DIAPH2: variants seen among roughly 807,000 people sequenced by gnomAD.
DIAPH2 encodes the protein diaphanous related formin 2.
In DIAPH2, 35 loss-of-function variants were observed where a neutral mutation model predicts 92.7. The ratio of observed to expected loss-of-function variants is 0.38; its 90% CI spans 0.29 to 0.50. DIAPH2 has a LOEUF of 0.50. Among genes scored for constraint, DIAPH2 ranks in the 20% least tolerant of loss-of-function variants. The pLI is 0.94. For missense variants in DIAPH2, 701 were observed against 819.5 expected, an observed-to-expected ratio of 0.86 and a Z score of 1.77; for synonymous variants, 301 against 280.4, an observed-to-expected ratio of 1.07 and a Z score of -0.73.
At chrX:97,563,416 G>C (rs1318464518) in intron 26 of DIAPH2, among the ~76,000 whole-genome samples, 1 of 27,646 alleles carries the variant, frequency 3.6e-5, no homozygotes, top group East Asian at 1.6e-3. Flanking sequence ...GAGGAAGGGT[G>C]AATTTTTTAA....
At chrX:96,716,736 A>G (rs1032735090) in intron 1 of DIAPH2, among the ~76,000 whole-genome samples, 13 of 111,601 alleles carry the variant, frequency 1.2e-4, no homozygotes. Context: ...CAGTAAAGCC[A>G]TAGTGTTGGG....
intron 26 of DIAPH2, among the ~76,000 whole-genome samples, chrX:97,592,218 A>G (rs923569853): frequency 1.2e-4 from 13 of 112,037 alleles, no homozygotes; most frequent in Non-Finnish European, 2.1e-4. Context: ...AGGTATTTCA[A>G]TCTTCCTAAA....
At chrX:97,239,834 ATCTCTCTC>A (rs370959933) in intron 22 of DIAPH2, among the ~76,000 whole-genome samples, 4 of 98,118 alleles carry the variant, frequency 4.1e-5, no homozygotes, top group Admixed American at 1.1e-4. Context: ...TCTAGTAAAA[ATCTCTCTC>A]TCTCTCTCTC....
At chrX:96,942,420 A>G (rs1251528671) in intron 13 of DIAPH2, among the ~76,000 whole-genome samples, 1 of 111,215 alleles carries the variant, frequency 9.0e-6, no homozygotes, top group East Asian at 2.8e-4. Context: ...TTACATTATT[A>G]TAGATGAATG....
chrX:97,171,023 C>T (rs1048977194), intron 22 of DIAPH2, among the ~76,000 whole-genome samples: 1 of 110,660 alleles, frequency 9.0e-6, no homozygotes, highest in Non-Finnish European at 1.9e-5. Flanking sequence ...ATTACAGGCA[C>T]GCACCACCAC....
At chrX:97,438,392 G>A (rs1289980430) in intron 26 of DIAPH2, among the ~76,000 whole-genome samples, 1 of 84,339 alleles carries the variant, frequency 1.2e-5, no homozygotes, top group Non-Finnish European at 2.2e-5. Context: ...TTGAGACAGG[G>A]TCTGACTCTG....
At chrX:96,860,941 C>A (rs1228951234) in intron 4 of DIAPH2, among the ~76,000 whole-genome samples, 2 of 111,496 alleles carry the variant, frequency 1.8e-5, no homozygotes, top group Non-Finnish European at 3.8e-5. Flanking sequence ...AAAAAATTCT[C>A]CCCGGACTTT....
intron 26 of DIAPH2, among the ~76,000 whole-genome samples, chrX:97,560,871 A>G (rs964444729): frequency 1.8e-4 from 20 of 112,530 alleles, no homozygotes; most frequent in African/African-American, 6.5e-4. Flanking sequence ...TCCAGCTCCA[A>G]TTATACTGCA....
At chrX:96,754,923 C>CAAAAAAA (rs1007573600) in intron 3 of DIAPH2, among the ~76,000 whole-genome samples, 9 of 16,004 alleles carry the variant, frequency 5.6e-4, no homozygotes, top group Admixed American at 1.6e-3. Flanking sequence ...GTCTCCACCT[C>CAAAAAAA]AAAAAAAAAA....
intron 17 of DIAPH2, among the ~76,000 whole-genome samples, chrX:97,052,595 A>G (rs1230402911): frequency 3.6e-5 from 4 of 111,015 alleles, no homozygotes; most frequent in Admixed American, 2.9e-4. Flanking sequence ...ATGGAAGAGT[A>G]TAAGATGAGA....
chrX:97,149,435 A>G (rs183139110), intron 22 of DIAPH2, among the ~76,000 whole-genome samples: 13 of 110,963 alleles, frequency 1.2e-4, no homozygotes, highest in African/African-American at 4.2e-4. Context: ...GATTTTTTTC[A>G]TATATAGGAT....
intron 22 of DIAPH2, among the ~76,000 whole-genome samples, chrX:97,205,906 A>C (rs1354825742): frequency 1.8e-5 from 2 of 111,511 alleles, no homozygotes; most frequent in African/African-American, 6.5e-5. Context: ...AACCAACCCA[A>C]ATGCCCATCA....
At chrX:96,962,288 T>TATATATATATATACAC (rs2065855267) in intron 16 of DIAPH2, among the ~76,000 whole-genome samples, 1 of 63,492 alleles carries the variant, frequency 1.6e-5, no homozygotes, top group African/African-American at 6.2e-5. Context: ...TATATATACA[T>TATATATATATATACAC]ATATATATAT....
intron 22 of DIAPH2, among the ~76,000 whole-genome samples, chrX:97,235,565 A>G (rs377636275): frequency 2.0e-4 from 21 of 104,905 alleles, no homozygotes; most frequent in African/African-American, 1.4e-4. Flanking sequence ...GATCGCACCA[A>G]TGCACTCCAG....
At chrX:96,804,047 A>G (rs903209390) in intron 4 of DIAPH2, among the ~76,000 whole-genome samples, 1 of 111,060 alleles carries the variant, frequency 9.0e-6, no homozygotes, top group African/African-American at 3.3e-5. Flanking sequence ...TGTGCTTTCT[A>G]CTTATCTGTA....
At chrX:96,791,556 TA>T (rs199542885) in intron 4 of DIAPH2, among the ~76,000 whole-genome samples, 1,092 of 104,807 alleles carry the variant, frequency 0.01, 18 homozygotes, top group African/African-American at 0.036. Flanking sequence ...TGAGACTCCT[TA>T]AAAAAAAGGA....
At chrX:96,956,761 T>C (rs953119053) in intron 15 of DIAPH2, among the ~76,000 whole-genome samples, 7 of 111,792 alleles carry the variant, frequency 6.3e-5, no homozygotes, top group African/African-American at 1.3e-4. Context: ...GTTTATATCA[T>C]TATCAGCATT....
chrX:97,475,794 TGCTA>T (rs953313528), intron 26 of DIAPH2, among the ~76,000 whole-genome samples: 18 of 112,257 alleles, frequency 1.6e-4, no homozygotes, highest in Admixed American at 1.1e-3. Context: ...CTAATTATCA[TGCTA>T]GCTAAGTAAA....
At chrX:97,129,940 G>A (rs1178121141) in intron 21 of DIAPH2, among the ~76,000 whole-genome samples, 1 of 111,493 alleles carries the variant, frequency 9.0e-6, no homozygotes, top group Non-Finnish European at 1.9e-5. Flanking sequence ...TTCAAAAATG[G>A]GTAAACAAAT....
Sources: gnomAD v4.1 joint callset for allele counts (sites outside exome capture counted in the v4.1 genomes callset) on GRCh38, gnomAD v4.1.1 for gene constraint, MANE v1.5 for transcripts, NCBI Gene and HGNC (gene_info 2026-07-23, HGNC 2026-07-21) for gene names.